The following DNAH3 variants were observed in gnomAD, a reference collection of about 807,000 sequenced individuals.
DNAH3 encodes the protein axonemal beta dynein heavy chain 3.
In DNAH3, 332 loss-of-function variants were observed where a neutral mutation model predicts 432.5. The observed-to-expected ratio is 0.77, with a 90% confidence interval of 0.70 to 0.84. The LOEUF is 0.84. Among genes scored for constraint, DNAH3 ranks in the 40% least tolerant of loss-of-function variants. DNAH3 has a pLI of 0.00. For synonymous variants in DNAH3, 1,956 were observed against 1,900.2 expected (o/e 1.03, Z -0.76); for missense variants, 4,861 against 5,114.0 (o/e 0.95, Z 1.51).
Position 21,131,528 on chromosome 16 carries a change from G to GGAAGGAAA in DNAH3, c.1082+2730_1082+2731insTTTCCTTC, listed in dbSNP as rs1313282220. Among the ~76,000 whole-genome samples the GGAAGGAAA allele has an allele frequency of 9.5e-4, 142 of 149,614 alleles. 1 individual carries two copies. Among genetic ancestry groups the GGAAGGAAA allele is most frequent in the Non-Finnish European group, 1.7e-3 (118 of 67,524 alleles). On this transcript the variant is annotated intron_variant, in intron 7 of 61. Transcript: ENST00000261383. ...GAGAAGGAAGGAAGGAAGGAAGGAAGGAAAGAAAGAAAAAGAAAGGAAGGA... is the reference window on the plus strand; with the variant it reads ...GAGAAGGAAGGAAGGAAGGAAGGAAGGAAGGAAAGAAAGAAAGAAAAAGAAAGGAAGGA...
exon 62 of DNAH3, chr16:20,933,153 A>T (rs777509470): frequency 4.4e-6 from 7 of 1,608,232 alleles, no homozygotes; most frequent in Middle Eastern, 1.7e-4. Flanking sequence ...GACAAATGCC[A>T]TCAGTTATCC....
intron 56 of DNAH3, among the ~76,000 whole-genome samples, chr16:20,951,991 C>T (rs1400491580): frequency 6.6e-6 from 1 of 151,990 alleles, no homozygotes; most frequent in Non-Finnish European, 1.5e-5. Context: ...GATCCGCCTG[C>T]CTCAGCCTCC....
intron 19 of DNAH3, among the ~76,000 whole-genome samples, chr16:21,085,008 C>T (rs750807780): frequency 5.5e-4 from 83 of 150,038 alleles, no homozygotes; most frequent in Non-Finnish European, 6.7e-4. Context: ...AGGCTGGGTC[C>T]GTAGAGAGAG....
At chr16:21,159,403 G>A in exon 1 of DNAH3, 1 of 1,614,128 alleles carries the variant, frequency 6.2e-7, no homozygotes, top group Non-Finnish European at 8.5e-7. Flanking sequence ...GATGGGGAGG[G>A]GCGGCCAGTG....
At chr16:21,133,209 C>G (rs968874401) in intron 7 of DNAH3, among the ~76,000 whole-genome samples, 3 of 151,694 alleles carry the variant, frequency 2.0e-5, no homozygotes, top group African/African-American at 7.3e-5. Context: ...AAAAAATTAG[C>G]TGGGTGTGGT....
chr16:20,968,527 T>C (rs2085163385), intron 52 of DNAH3, among the ~76,000 whole-genome samples: 3 of 152,222 alleles, frequency 2.0e-5, no homozygotes, highest in Non-Finnish European at 4.4e-5. Flanking sequence ...GTCCTACACC[T>C]AATTTAAATT....
chr16:20,992,770 T>C (rs1382214893), intron 44 of DNAH3, among the ~76,000 whole-genome samples: 1 of 152,204 alleles, frequency 6.6e-6, no homozygotes, highest in Non-Finnish European at 1.5e-5. Context: ...GTTAATAAGG[T>C]GGTCATTATT....
chr16:21,035,836 T>A (rs1007192181), intron 35 of DNAH3, among the ~76,000 whole-genome samples: 1 of 152,140 alleles, frequency 6.6e-6, no homozygotes. Context: ...GGCAGTGTGA[T>A]CTCAGAATCT....
At chr16:21,023,826 C>G (rs548292700) in intron 39 of DNAH3, among the ~76,000 whole-genome samples, 1 of 134,768 alleles carries the variant, frequency 7.4e-6, no homozygotes, top group Admixed American at 7.6e-5. Context: ...TGTGGACTGG[C>G]GCTTGAATGT....
exon 50 of DNAH3, chr16:20,979,475 C>A (rs749906064): frequency 1.2e-6 from 2 of 1,613,866 alleles, no homozygotes; most frequent in African/African-American, 1.3e-5. Flanking sequence ...GTTGTGTCTT[C>A]GAAGTTTGTT....
intron 14 of DNAH3, among the ~76,000 whole-genome samples, chr16:21,109,055 G>A (rs534600502): frequency 3.3e-5 from 5 of 150,228 alleles, no homozygotes; most frequent in Non-Finnish European, 5.9e-5. Flanking sequence ...TCTGGGAGGC[G>A]GAGGTTGCAG....
At chr16:20,969,771 T>G (rs1449630559) in intron 52 of DNAH3, 21 bp downstream of exon 52, 59 of 1,613,736 alleles carry the variant, frequency 3.7e-5, no homozygotes, top group Non-Finnish European at 4.7e-5. Flanking sequence ...TGTGCAGGCA[T>G]CTGGGTGGGG....
intron 1 of DNAH3, among the ~76,000 whole-genome samples, chr16:21,158,969 C>A (rs1358046036): frequency 1.3e-5 from 2 of 151,732 alleles, no homozygotes; most frequent in Non-Finnish European, 2.9e-5. Context: ...TTCCTCCCCA[C>A]CCCTAAATGC....
In DNAH3 at chr16:21,042,314, G is replaced by A. The variant is rs780393180; in HGVS notation, c.4462-111C>T. The A allele has an allele frequency of 8.3e-5, 88 of 1,055,052 alleles. 1 individual carries two copies. The highest frequency in any genetic ancestry group is 4.5e-4 in the South Asian group (26 of 57,508). The allele number at this position is 1,055,052 out of a possible 1,614,324, so 65.4% of individuals were successfully genotyped here. On this transcript the variant is annotated intron_variant, in intron 31 of 61. Transcript: ENST00000261383. Reference sequence around the variant, plus strand: ...GAAAGAACCCAATCACCCAAAAACCGCACCTGCACATTCAAAATTAGGAGC... The same window carrying A: ...GAAAGAACCCAATCACCCAAAAACCACACCTGCACATTCAAAATTAGGAGC...
In DNAH3 at chr16:20,960,766, G is replaced by T. The variant is rs2084783244; in HGVS notation, c.10601-1362C>A. Among the ~76,000 whole-genome samples the T allele has an allele frequency of 2.0e-5, 3 of 152,198 alleles. No individual in the cohort carries two copies. The South Asian group carries it at 6.2e-4, about 32-fold the overall frequency. ...CATTTGACTACTGACCCAAGGAAAAGACATGGAAGCTCATAACTGGTCTGG... is the reference window on the plus strand; with the variant it reads ...CATTTGACTACTGACCCAAGGAAAATACATGGAAGCTCATAACTGGTCTGG... On this transcript the variant is annotated intron_variant, in intron 53 of 61. Coordinates refer to ENST00000261383, the Ensembl canonical transcript of DNAH3.
chr16:21,146,072 GA>G lies in DNAH3; in HGVS notation c.133del (p.Ser45ProfsTer5). The G allele has an allele frequency of 6.2e-7, 1 of 1,613,372 alleles. No individual in the cohort carries two copies. The highest frequency in any genetic ancestry group is 8.5e-7 in the Non-Finnish European group (1 of 1,179,394). On this transcript the variant is annotated frameshift_variant, in exon 2 of 62. Transcript: ENST00000261383. LOFTEE classifies it high-confidence loss of function. Reference sequence around the variant, plus strand: ...CTGGGAGTGGCTCATGTGATGTATGGAGTCACTTTTGGCGATCTGTGGGACA... The same window carrying G: ...CTGGGAGTGGCTCATGTGATGTATGGGTCACTTTTGGCGATCTGTGGGACA...
At chr16:21,081,664 C>G (rs777253160) in exon 20 of DNAH3, 2 of 1,613,530 alleles carry the variant, frequency 1.2e-6, no homozygotes, top group Admixed American at 3.3e-5. Context: ...AATCCAAATT[C>G]GAGCATATTT....
chr16:21,156,952 A>T (rs1321825473), intron 1 of DNAH3, among the ~76,000 whole-genome samples: 2 of 151,448 alleles, frequency 1.3e-5, no homozygotes, highest in African/African-American at 2.4e-5. Flanking sequence ...TTCCAAAGCA[A>T]CTTCCATTTA....
intron 1 of DNAH3, among the ~76,000 whole-genome samples, chr16:21,158,137 T>A (rs1052314559): frequency 2.6e-5 from 4 of 152,242 alleles, no homozygotes; most frequent in African/African-American, 9.6e-5. Context: ...TTGATTTATC[T>A]TGTCTCTCTC....
Sources: allele counts gnomAD v4.1 joint callset (sites outside exome capture counted in the v4.1 genomes callset), GRCh38; gene constraint gnomAD v4.1.1; transcripts MANE v1.5; gene names NCBI Gene and HGNC (gene_info 2026-07-23, HGNC 2026-07-21).